The following DNAJC11 variants were observed in gnomAD, a reference collection of about 807,000 sequenced individuals.
The protein encoded by DNAJC11 is dnaJ homolog subfamily C member 11.
DNAJC11 carries 15 observed loss-of-function variants against 78.6 expected under a neutral mutation model. The observed-to-expected ratio is 0.19, with a 90% confidence interval of 0.13 to 0.29. DNAJC11 has a LOEUF of 0.29. Ranked by LOEUF, DNAJC11 falls within the 10% of genes least tolerant of loss-of-function variation. The probability of loss-of-function intolerance (pLI) is 1.00; values close to 1 mark genes in which losing one functional copy is unlikely to be tolerated. For missense variants in DNAJC11, 547 were observed against 709.6 expected, an observed-to-expected ratio of 0.77 and a Z score of 2.60; for synonymous variants, 292 against 272.1, an observed-to-expected ratio of 1.07 and a Z score of -0.72.
chr1:6,695,502 A>G (rs965438517), intron 1 of DNAJC11, among the ~76,000 whole-genome samples: 3 of 151,862 alleles, frequency 2.0e-5, no homozygotes, highest in Non-Finnish European at 2.9e-5. Context: ...AACATTAAAG[A>G]AACTGATGGC....
At chr1:6,676,490 G>A (rs1042840948) in intron 3 of DNAJC11, among the ~76,000 whole-genome samples, 1 of 151,674 alleles carries the variant, frequency 6.6e-6, no homozygotes, top group Non-Finnish European at 1.5e-5. Context: ...GACCAGCCTG[G>A]GCAACATAGA....
chr1:6,655,377 T>G (rs2148734759), intron 4 of DNAJC11, among the ~76,000 whole-genome samples: 1 of 152,322 alleles, frequency 6.6e-6, no homozygotes, highest in South Asian at 2.1e-4. Context: ...AATGCATAAT[T>G]GTGTCAAAAC....
intron 1 of DNAJC11, among the ~76,000 whole-genome samples, chr1:6,683,244 C>T (rs1293415497): frequency 2.6e-5 from 4 of 151,576 alleles, no homozygotes; most frequent in Non-Finnish European, 5.9e-5. Context: ...TGGGGCAACA[C>T]AGCCTTCCAT....
rs1391626527 is a variant in DNAJC11, at chr1:6,693,988, A to G, written c.72+7741T>C. Among the ~76,000 whole-genome samples the G allele has an allele frequency of 2.6e-5, 4 of 151,870 alleles. No homozygotes were observed. In the South Asian group the frequency reaches 8.3e-4, roughly 32 times the overall value. Reference sequence around the variant, plus strand: ...GTAGCTGGGATTACAGGCGCCCGCCATCAAGTCTGGCTAAGTTTTGTATTT... The same window carrying G: ...GTAGCTGGGATTACAGGCGCCCGCCGTCAAGTCTGGCTAAGTTTTGTATTT... On this transcript the variant is annotated intron_variant, in intron 1 of 15. Transcript: ENST00000377577.
At chr1:6,659,822 C>G (rs573365000) in intron 4 of DNAJC11, among the ~76,000 whole-genome samples, 1 of 152,100 alleles carries the variant, frequency 6.6e-6, no homozygotes, top group East Asian at 2.0e-4. Context: ...CTTTGGGAGG[C>G]TGAGGCGGGC....
At chr1:6,675,354 C>T (rs752223898) in intron 3 of DNAJC11, among the ~76,000 whole-genome samples, 1 of 150,386 alleles carries the variant, frequency 6.6e-6, no homozygotes, top group Non-Finnish European at 1.5e-5. Flanking sequence ...TAAAAAAATA[C>T]GAAAATAATG....
intron 1 of DNAJC11, among the ~76,000 whole-genome samples, chr1:6,692,574 A>T (rs1642762679): frequency 6.6e-6 from 1 of 150,876 alleles, no homozygotes; most frequent in African/African-American, 2.4e-5. Flanking sequence ...GAACAAACTC[A>T]GTGTTTTGAA....
chr1:6,692,758 T>C (rs1013218384), intron 1 of DNAJC11, among the ~76,000 whole-genome samples: 10 of 151,286 alleles, frequency 6.6e-5, no homozygotes, highest in African/African-American at 1.9e-4. Context: ...TTACAGGCAT[T>C]TGCCACCACG....
chr1:6,644,617 G>C lies in DNAJC11; in HGVS notation c.1038C>G (p.His346Gln). ...CGCTGACAGCTGCACCCAAAACGCTGTGCCTGGAGATCTTCCTCTCAGCTC... is the reference window on the plus strand; with the variant it reads ...CGCTGACAGCTGCACCCAAAACGCTCTGCCTGGAGATCTTCCTCTCAGCTC... ...EYGAERKISR[H>Q]SVLGAAVSVG... The change falls in exon 10 of 16, where the codon CAC becomes CAG. Residue 346 changes from histidine (H) to glutamine (Q), a missense_variant. Physicochemically the swap from His to Gln is conservative, Grantham distance 24 (BLOSUM62 0). Coordinates refer to ENST00000377577, the MANE Select transcript of DNAJC11 (RefSeq NM_018198.4). 1.2e-6 allele frequency: 2 copies of C among 1,614,230 alleles called. No individual in the cohort carries two copies. Among genetic ancestry groups the C allele is most frequent in the Non-Finnish European group, 1.7e-6 (2 of 1,180,046 alleles).
rs373725414 is a variant in DNAJC11, at chr1:6,634,664, G to A, written c.*1011C>T. 60 of 1,366,244 alleles carry A rather than the reference G, an allele frequency of 4.4e-5. No homozygotes were observed. The African/African-American group carries it at 6.9e-4, about 16-fold the overall frequency. 84.6% of individuals were successfully genotyped at this position (1,366,244 alleles called of 1,614,324 possible). On this transcript the variant is annotated 3_prime_UTR_variant, in exon 16 of 16. Coordinates refer to ENST00000377577, the MANE Select transcript of DNAJC11 (RefSeq NM_018198.4). ...AGGCCGTGGAGGGGGTCCTAGCTCC[G>A]CTGCATTCTGCATCCCAAGTGGGCA... is the stretch of plus-strand genomic sequence containing the variant.
chr1:6,692,339 A>G (rs1642759158), intron 1 of DNAJC11, among the ~76,000 whole-genome samples: 1 of 151,888 alleles, frequency 6.6e-6, no homozygotes, highest in Non-Finnish European at 1.5e-5. Context: ...CAGCTTCTCT[A>G]AACTCCACTT....
At chr1:6,641,973 G>A (rs1641885178) in intron 10 of DNAJC11, among the ~76,000 whole-genome samples, 1 of 152,164 alleles carries the variant, frequency 6.6e-6, no homozygotes, top group Admixed American at 6.5e-5. Flanking sequence ...CAAGGGGAAG[G>A]GCTACTATGT....
intron 1 of DNAJC11, 103 bp from the exon 2 acceptor site, chr1:6,681,140 T>C: frequency 1.6e-6 from 2 of 1,255,542 alleles, no homozygotes; most frequent in Non-Finnish European, 1.1e-6. Flanking sequence ...CGTCCCAATG[T>C]GTTTGCTCTC....
intron 4 of DNAJC11, among the ~76,000 whole-genome samples, chr1:6,655,883 C>A (rs1411986129): frequency 6.6e-6 from 1 of 151,856 alleles, no homozygotes; most frequent in East Asian, 1.9e-4. Flanking sequence ...GCAGGCGGCT[C>A]ACGAAGTCAG....
intron 6 of DNAJC11, among the ~76,000 whole-genome samples, chr1:6,651,834 T>C (rs182156267): frequency 2.0e-5 from 3 of 152,340 alleles, no homozygotes; most frequent in Non-Finnish European, 2.9e-5. Context: ...ACATGTTTCA[T>C]TGGTGTCCCT....
At chr1:6,660,682 G>A (rs1389225679) in intron 4 of DNAJC11, among the ~76,000 whole-genome samples, 1 of 152,118 alleles carries the variant, frequency 6.6e-6, no homozygotes. Context: ...CCAAGTCAAC[G>A]AAAGATGACC....
At chr1:6,671,959 C>T (rs1166753844) in intron 3 of DNAJC11, among the ~76,000 whole-genome samples, 3 of 152,146 alleles carry the variant, frequency 2.0e-5, no homozygotes, top group African/African-American at 2.4e-5. Flanking sequence ...CTCAGCCTCC[C>T]GAGTAGCTGG....
At chr1:6,696,247 T>C (rs1010418644) in intron 1 of DNAJC11, among the ~76,000 whole-genome samples, 2 of 152,248 alleles carry the variant, frequency 1.3e-5, no homozygotes, top group Non-Finnish European at 2.9e-5. Flanking sequence ...ATCTTTATTT[T>C]TTATTAAGAC....
chr1:6,692,170 C>T (rs1642756900), intron 1 of DNAJC11, among the ~76,000 whole-genome samples: 1 of 152,170 alleles, frequency 6.6e-6, no homozygotes, highest in South Asian at 2.1e-4. Flanking sequence ...ATTAACATTT[C>T]AAGAAGCAAT....
Sources: allele counts gnomAD v4.1 joint callset (sites outside exome capture counted in the v4.1 genomes callset), GRCh38; gene constraint gnomAD v4.1.1; transcripts MANE v1.5; gene names NCBI Gene and HGNC (gene_info 2026-07-23, HGNC 2026-07-21).